TONSL: variants seen among roughly 807,000 people sequenced by gnomAD.
The protein encoded by TONSL is tonsoku-like protein.
In TONSL, 112 loss-of-function variants were observed where a neutral mutation model predicts 147.1. The observed-to-expected ratio is 0.76, with a 90% confidence interval of 0.65 to 0.89. The LOEUF (loss-of-function observed/expected upper bound fraction) is 0.89, where lower values mean the gene tolerates loss of function less well. TONSL is among the 40% of genes least tolerant of loss of function. The pLI is 0.00. For synonymous variants in TONSL, 868 were observed against 801.5 expected, an observed-to-expected ratio of 1.08 and a Z score of -1.40; for missense variants, 1,883 against 1,864.6, an observed-to-expected ratio of 1.01 and a Z score of -0.18.
rs781412942 is a variant in TONSL, at chr8:144,442,145, G to C, written c.757C>G (p.Gln253Glu). 1 of 1,611,066 alleles carries C rather than the reference G, an allele frequency of 6.2e-7. No homozygotes were observed. The highest frequency in any genetic ancestry group is 8.5e-7 in the Non-Finnish European group (1 of 1,179,004). The change falls in exon 7 of 26, where the codon CAA becomes GAA. Residue 253 changes from glutamine (Q) to glutamate (E), a missense_variant. By Grantham distance (29) the Gln-to-Glu change is conservative (BLOSUM62 2). Transcript: ENST00000409379. The part of the protein sequence containing the change: ...ECCVVIAQVL[Q>E]DLGDFLAAKR... Reference sequence around the variant, plus strand: ...GCAGCCAAAAAGTCTCCCAGGTCTTGGAGGACCTGGAGAGCAAAGGACAGC... The same window carrying C: ...GCAGCCAAAAAGTCTCCCAGGTCTTCGAGGACCTGGAGAGCAAAGGACAGC...
At chr8:144,442,643 C>G (rs770935787) in intron 5 of TONSL, 34 bp downstream of exon 5, 2 of 1,600,704 alleles carry the variant, frequency 1.2e-6, no homozygotes, top group Non-Finnish European at 1.7e-6. Flanking sequence ...GAACAAGGGA[C>G]TCCACTCCCT....
At position 144,442,049 on chromosome 8, in the gene TONSL, T is replaced by A. The variant is rs762541061; in HGVS notation, c.853A>T (p.Asn285Tyr). 2.5e-6 allele frequency: 4 copies of A among 1,612,726 alleles called. No individual in the cohort carries two copies. In the Admixed American group the frequency reaches 6.7e-5, roughly 27 times the overall value. The change falls in exon 7 of 26, where the codon AAC becomes TAC. Residue 285 changes from asparagine to tyrosine, a missense_variant. Transcript: ENST00000409379. ...CCCCCAGGCTCACCATGCTGGAGGTTCTGACAGATGGCTGCCCTCTGCACA... is the reference window on the plus strand; with the variant it reads ...CCCCCAGGCTCACCATGCTGGAGGTACTGACAGATGGCTGCCCTCTGCACA... ...KPVQRAAICQ[N>Y]LQHVLAVVRL...
Position 144,441,125 on chromosome 8 carries a change from G to A in TONSL, c.866-14C>T, listed in dbSNP as rs749416246. On this transcript the variant is annotated splice_polypyrimidine_tract_variant and intron_variant, in intron 7 of 25. Coordinates refer to ENST00000409379, the MANE Select transcript of TONSL (RefSeq NM_013432.5). ...CCACTGCCAGCACTGCCGGGAAGAG[G>A]TTCATGCAGGGGGGCAGCACAGGGG... 1 of 1,612,170 alleles carries A rather than the reference G, an allele frequency of 6.2e-7. No homozygotes were observed. The highest frequency in any genetic ancestry group is 8.5e-7 in the Non-Finnish European group (1 of 1,179,688).
At position 144,442,668 on chromosome 8, in the gene TONSL, G is replaced by A; in HGVS notation, c.578+9C>T. 6.2e-7 allele frequency: 1 copy of A among 1,611,312 alleles called. No homozygotes were observed. On this transcript the variant is annotated intron_variant, in intron 5 of 25. Coordinates refer to ENST00000409379, the MANE Select transcript of TONSL (RefSeq NM_013432.5). ...CTCCACTCCCTCCTGGGGCGGGGCA[G>A]GGCCTTACTCCGCAAGGAAGATGCT...
chr8:144,436,928 C>G lies in TONSL; in HGVS notation c.1727-8G>C. The G allele has an allele frequency of 6.2e-7, 1 of 1,609,382 alleles. No homozygotes were observed. Reference sequence around the variant, plus strand: ...GCAGGAAGCGGACAATTTCTGCAGACCAGGAGACGTAAGCCCAGCTCCCGA... The same window carrying G: ...GCAGGAAGCGGACAATTTCTGCAGAGCAGGAGACGTAAGCCCAGCTCCCGA... On this transcript the variant is annotated splice_polypyrimidine_tract_variant and splice_region_variant and intron_variant, in intron 14 of 25. Coordinates refer to ENST00000409379, the MANE Select transcript of TONSL (RefSeq NM_013432.5).
rs1823234585 is a variant in TONSL, at chr8:144,432,227, C to T, written c.3735+58G>A. 3.2e-6 allele frequency: 5 copies of T among 1,572,104 alleles called. No individual in the cohort carries two copies. In the Admixed American group the frequency reaches 8.7e-5, roughly 27 times the overall value. On this transcript the variant is annotated intron_variant, in intron 23 of 25. Transcript: ENST00000409379. ...GGGAGAGGCGAGCTCCTCCCAGCAA[C>T]CCTGGGACCTTTGGCCTCTGAGGCT...
rs540870928 is a variant in TONSL, at chr8:144,439,001, G to A, written c.1481-266C>T. ...CCCTGAGCTTTCTGCCCTAACCCACGCCTGGCCCTCCCACAGAAGGCCTGC... is the reference window on the plus strand; with the variant it reads ...CCCTGAGCTTTCTGCCCTAACCCACACCTGGCCCTCCCACAGAAGGCCTGC... On this transcript the variant is annotated intron_variant, in intron 11 of 25. Coordinates refer to ENST00000409379, the MANE Select transcript of TONSL (RefSeq NM_013432.5). Among the ~76,000 whole-genome samples the A allele has an allele frequency of 2.6e-5, 4 of 151,990 alleles. No homozygotes were observed. The South Asian group carries it at 6.2e-4, about 24-fold the overall frequency.
chr8:144,439,796 C>T (rs1176422814), intron 11 of TONSL: 3 of 544,324 alleles, frequency 5.5e-6, no homozygotes, highest in Non-Finnish European at 6.4e-6. Context: ...CCAGCTGACA[C>T]TCACTCGACT....
At chr8:144,439,961 C>G (rs1823638704) in intron 11 of TONSL, 60 bp downstream of exon 11, 1 of 780,426 alleles carries the variant, frequency 1.3e-6, no homozygotes, top group Admixed American at 2.0e-5. Context: ...GCACAGCACA[C>G]CCCTCTCCAG....
chr8:144,442,256 G>C lies in TONSL; in HGVS notation c.735C>G (p.Cys245Trp), dbSNP rs767602201. The change falls in exon 6 of 26, where the codon TGC (cysteine) becomes TGG (tryptophan). Residue 245 changes from cysteine (C) to tryptophan (W), a missense_variant. Transcript: ENST00000409379. ...CAGCGGGTACCTGTGCAATAACCAC[G>C]CAGCACTCGCTCTCCATGAACCGCT... ...MRKRFMESEC[C>W]VVIAQVLQDL... The C allele has an allele frequency of 1.3e-6, 2 of 1,590,296 alleles. No individual in the cohort carries two copies. Among genetic ancestry groups the C allele is most frequent in the East Asian group, 4.5e-5 (2 of 44,450 alleles).
At chr8:144,444,148 C>T in intron 2 of TONSL, 32 bp downstream of exon 2, 1 of 1,394,092 alleles carries the variant, frequency 7.2e-7, no homozygotes. Flanking sequence ...GGGCCCCGGC[C>T]CTGCCTCCCG....
chr8:144,429,372 G>A, intron 25 of TONSL, 36 bp from the exon 26 acceptor site: 1 of 1,364,530 alleles, frequency 7.3e-7, no homozygotes, highest in Non-Finnish European at 9.5e-7. Flanking sequence ...CAGCGCTGCG[G>A]GGGCCGGCGG....
At chr8:144,442,891 G>A (rs946937871) in intron 4 of TONSL, 85 bp from the exon 5 acceptor site, 12 of 1,499,440 alleles carry the variant, frequency 8.0e-6, no homozygotes, top group South Asian at 3.9e-5. Context: ...CCTGTGCAGC[G>A]CCTCTCCTAC....
At chr8:144,432,190 A>G in intron 23 of TONSL, 95 bp downstream of exon 23, 1 of 1,368,622 alleles carries the variant, frequency 7.3e-7, no homozygotes, top group South Asian at 1.3e-5. Context: ...CAGCGAGTTC[A>G]GCCCGAATCT....
In TONSL at chr8:144,444,288, G is replaced by A. The variant is rs1823828055; in HGVS notation, c.26-13C>T. On this transcript the variant is annotated splice_polypyrimidine_tract_variant and intron_variant, in intron 1 of 25. Transcript: ENST00000409379. ...GCCTTGCTCAGCTCTGTGGGAGGAA[G>A]AGGAGGGCTGGGCCTCCGCGGCGGG... The A allele has an allele frequency of 1.4e-6, 2 of 1,399,878 alleles. No individual in the cohort carries two copies. The highest frequency in any genetic ancestry group is 1.9e-6 in the Non-Finnish European group (2 of 1,072,470). The allele number at this position is 1,399,878 out of a possible 1,614,324, so 86.7% of individuals were successfully genotyped here.
At position 144,443,265 on chromosome 8, in the gene TONSL, C is replaced by T; in HGVS notation, c.321G>A (p.Gln107=). ...AHSLRNHTEL[Q]RAWATIGRTH... ...TGCGGCCGATGGTGGCCCAGGCCCT[C>T]TGCAGCTCCGTGTGGTTGCGCAGGG... The change falls in exon 4 of 26, where the codon CAG becomes CAA. Residue 107 remains glutamine, a synonymous_variant. Transcript: ENST00000409379. 1 of 1,550,850 alleles carries T rather than the reference C, an allele frequency of 6.4e-7. No individual in the cohort carries two copies. Among genetic ancestry groups the T allele is most frequent in the Non-Finnish European group, 8.7e-7 (1 of 1,146,982 alleles).
At chr8:144,432,879 CT>C (rs1213973907) in intron 22 of TONSL, 1 of 161,110 alleles carries the variant, frequency 6.2e-6, no homozygotes, top group East Asian at 1.8e-4. Flanking sequence ...GCGAACAGCA[CT>C]CAGCTGGCGA....
chr8:144,443,065 C>T, intron 4 of TONSL, 73 bp downstream of exon 4: 2 of 1,491,600 alleles, frequency 1.3e-6, no homozygotes, highest in Non-Finnish European at 1.8e-6. Flanking sequence ...CCCAAGGAGG[C>T]TGCGGGGGTG....
rs141007707 is a variant in TONSL at position 144,440,727 on chromosome 8, G to A, written c.1155C>T (p.Asn385=). 1.5e-5 allele frequency: 24 copies of A among 1,612,224 alleles called. No individual in the cohort carries two copies. The highest frequency in any genetic ancestry group is 1.5e-4 in the African/African-American group (11 of 74,928). ...YEEELRLRSG[N]VLEEAKTWLN... The stretch of plus-strand genomic sequence containing the variant: ...GGAGCAAGGGTTTCACCTCCAGCAC[G>A]TTGCCGCTGCGCAGCCTCAGTTCCT... Residue 385 remains asparagine (N), a synonymous_variant, in exon 9 of 26, where the codon AAC becomes AAT. Transcript: ENST00000409379.
Sources: gnomAD v4.1 joint callset for allele counts (sites outside exome capture counted in the v4.1 genomes callset) on GRCh38, gnomAD v4.1.1 for gene constraint, MANE v1.5 for transcripts, NCBI Gene and HGNC (gene_info 2026-07-23, HGNC 2026-07-21) for gene names.